Variants in MYBPC3 observed in about 807,000 individuals in gnomAD.
MYBPC3 encodes myosin-binding protein C, cardiac-type.
A neutral mutation model predicts 159.3 loss-of-function variants in MYBPC3; 108 were observed. The observed-to-expected ratio is 0.68, with a 90% CI of 0.58 to 0.80. The LOEUF (loss-of-function observed/expected upper bound fraction) is 0.80. MYBPC3 is among the 30% of genes least tolerant of loss of function. MYBPC3 has a pLI of 0.00. For missense variants in MYBPC3, 1,631 were observed against 1,762.1 expected (o/e 0.93, Z 1.33); for synonymous variants, 730 against 702.0 (o/e 1.04, Z -0.63).
At chr11:47,349,232 G>A (rs1028934178) in intron 5 of MYBPC3, among the ~76,000 whole-genome samples, 7 of 151,894 alleles carry the variant, frequency 4.6e-5, no homozygotes, top group South Asian at 2.1e-4. Context: ...TGGGCAGGGC[G>A]GAAAAAAACA....
At chr11:47,339,186 A>C in intron 22 of MYBPC3, 138 bp downstream of exon 22, 1 of 904,912 alleles carries the variant, frequency 1.1e-6, no homozygotes, top group African/African-American at 1.6e-5. Context: ...TGAGGGCCCC[A>C]CAGGGACCCT....
In MYBPC3 at chr11:47,339,336, C is replaced by A; in HGVS notation, c.2136G>T (p.Val712=). The A allele has an allele frequency of 6.2e-7, 1 of 1,614,062 alleles. No individual in the cohort carries two copies. The highest frequency in any genetic ancestry group is 1.1e-5 in the South Asian group (1 of 91,090). Residue 712 remains valine (V), a synonymous_variant, in exon 22 of 35, where the codon GTG becomes GTT. Coordinates refer to ENST00000545968, the MANE Select transcript of MYBPC3 (RefSeq NM_000256.3). ...PEDTGDSDEW[V]FDKKLLCETE... Reference sequence around the variant, plus strand: ...CAGTCTCACTCACCTTCTTGTCAAACACCCACTCATCGCTGTCACCTGTGT... The same window carrying A: ...CAGTCTCACTCACCTTCTTGTCAAAAACCCACTCATCGCTGTCACCTGTGT...
At chr11:47,340,613 G>A (rs1245783384) in intron 20 of MYBPC3, among the ~76,000 whole-genome samples, 1 of 152,188 alleles carries the variant, frequency 6.6e-6, no homozygotes, top group African/African-American at 2.4e-5. Flanking sequence ...CTTGCAGTGA[G>A]CCGAGATCGC....
At chr11:47,339,022 A>C (rs960682733) in intron 22 of MYBPC3, among the ~76,000 whole-genome samples, 2 of 152,186 alleles carry the variant, frequency 1.3e-5, no homozygotes, top group Non-Finnish European at 2.9e-5. Context: ...ACTACTCCTG[A>C]GTTGAGAGGG....
rs727503177 is a variant in MYBPC3, at chr11:47,333,923, T to C, written c.2993A>G (p.Gln998Arg). The C allele has an allele frequency of 1.3e-6, 2 of 1,570,688 alleles. No individual in the cohort carries two copies. The highest frequency in any genetic ancestry group is 1.7e-6 in the Non-Finnish European group (2 of 1,158,010). Residue 998 changes from glutamine to arginine, a missense_variant and splice_region_variant, in exon 28 of 35, where the codon CAG (glutamine) becomes CGG (arginine). Coordinates refer to ENST00000545968, the MANE Select transcript of MYBPC3 (RefSeq NM_000256.3). ...GACAGGGAAGGGGGCCAGTCCCACC[T>C]GGAAAGGGATGAGAAGGTTCACAGG... Reference protein sequence around the residue: ...GEPVNLLIPFQGKPRPQVTWT... With the variant: ...GEPVNLLIPFRGKPRPQVTWT...
At position 47,337,678 on chromosome 11, in the gene MYBPC3, C is replaced by G; in HGVS notation, c.2413+12G>C. 1 of 1,591,992 alleles carries G rather than the reference C, an allele frequency of 6.3e-7. No homozygotes were observed. Among genetic ancestry groups the G allele is most frequent in the Non-Finnish European group, 8.6e-7 (1 of 1,169,296 alleles). On this transcript the variant is annotated intron_variant, in intron 24 of 34. Coordinates refer to ENST00000545968, the MANE Select transcript of MYBPC3 (RefSeq NM_000256.3). ...GCGCCCTCACACCTCCATCCGGTGC[C>G]CTTGCACTCACCCAGGATGGGCTGC...
chr11:47,335,120 G>T lies in MYBPC3; in HGVS notation c.2827C>A (p.Arg943=). 6.2e-7 allele frequency: 1 copy of T among 1,612,394 alleles called. No individual in the cohort carries two copies. Among genetic ancestry groups the T allele is most frequent in the Non-Finnish European group, 8.5e-7 (1 of 1,179,142 alleles). The change falls in exon 27 of 35, where the codon CGA becomes AGA. Residue 943 remains arginine (R), a synonymous_variant. Transcript: ENST00000545968. ...CCTGCCATATTGTGTGCCCGCACTCGGAAAAGCAGCCGGGCCCCCGTGGGC... is the reference window on the plus strand; with the variant it reads ...CCTGCCATATTGTGTGCCCGCACTCTGAAAAGCAGCCGGGCCCCCGTGGGC... The part of the protein sequence containing the change: ...DLPTGARLLF[R]VRAHNMAGPG...
Position 47,332,397 on chromosome 11 carries a change from A to T in MYBPC3, c.3628-139T>A. 9.2e-6 allele frequency: 13 copies of T among 1,420,014 alleles called. No homozygotes were observed. The highest frequency in any genetic ancestry group is 4.3e-5 in the African/African-American group (3 of 70,500). The allele number at this position is 1,420,014 out of a possible 1,614,324, so 88.0% of individuals were successfully genotyped here. ...ACTATGCCCAAGGCTGGAAACAAACATGGAACCAAGAGTGAGTACCATGGC... is the reference window on the plus strand; with the variant it reads ...ACTATGCCCAAGGCTGGAAACAAACTTGGAACCAAGAGTGAGTACCATGGC... On this transcript the variant is annotated intron_variant, in intron 32 of 34. Coordinates refer to ENST00000545968, the MANE Select transcript of MYBPC3 (RefSeq NM_000256.3). The surrounding 1 kb of genome is among the most constrained non-coding windows in gnomAD (Gnocchi z 4.2).
rs1230490714 is a variant in MYBPC3, at chr11:47,346,894, G to A, written c.908+133C>T. 2.8e-6 allele frequency: 2 copies of A among 723,274 alleles called. No homozygotes were observed. Among genetic ancestry groups the A allele is most frequent in the African/African-American group, 1.7e-5 (1 of 57,706 alleles). The allele number at this position is 723,274 out of a possible 1,614,324, so 44.8% of individuals were successfully genotyped here. A position where few individuals can be genotyped will look rare whatever the true frequency, so the allele number is the denominator to read the frequency against. On this transcript the variant is annotated intron_variant, in intron 10 of 34. Coordinates refer to ENST00000545968, the MANE Select transcript of MYBPC3 (RefSeq NM_000256.3). This position sits in a 1 kb window ranked among gnomAD's most constrained non-coding sequence, Gnocchi z 5.3. ...TGGCAGGAGAAGCCCAAGGCACAGA[G>A]ACTCACCCCTGTCCGTGGGGAGCCG...
intron 20 of MYBPC3, 89 bp from the exon 21 acceptor site, chr11:47,339,879 C>T: frequency 2.1e-6 from 3 of 1,429,980 alleles, no homozygotes; most frequent in Non-Finnish European, 2.9e-6. Context: ...GCCTGGGCCC[C>T]TGGTTATTGG....
At position 47,350,501 on chromosome 11, in the gene MYBPC3, C is replaced by T. The variant is rs1223603416; in HGVS notation, c.406+1G>A. 5.8e-6 allele frequency: 9 copies of T among 1,557,658 alleles called. No homozygotes were observed. Among genetic ancestry groups the T allele is most frequent in the Non-Finnish European group, 7.8e-6 (9 of 1,154,022 alleles). ...GCCCCTCCCTGCCCAGCCCCTCTCACCTTTGGGACTTGGGGCACTTTCTCC... is the reference window on the plus strand; with the variant it reads ...GCCCCTCCCTGCCCAGCCCCTCTCATCTTTGGGACTTGGGGCACTTTCTCC... On this transcript the variant is annotated splice_donor_variant, in intron 3 of 34. Coordinates refer to ENST00000545968, the MANE Select transcript of MYBPC3 (RefSeq NM_000256.3). LOFTEE classifies it high-confidence loss of function.
intron 34 of MYBPC3, 54 bp downstream of exon 34, chr11:47,331,791 C>T: frequency 6.5e-7 from 1 of 1,544,244 alleles, no homozygotes; most frequent in South Asian, 1.2e-5. Context: ...GCCCCAGGAC[C>T]AAGGGCCAGG....
intron 9 of MYBPC3, 36 bp downstream of exon 9, chr11:47,347,390 C>T (rs775988125): frequency 1.3e-5 from 21 of 1,563,320 alleles, no homozygotes; most frequent in Admixed American, 9.6e-5. Flanking sequence ...AGCCAGGCCT[C>T]ACCAGCTGCC....
In MYBPC3 at chr11:47,351,469, A is replaced by G. The variant is rs1362750360; in HGVS notation, c.62T>C (p.Val21Ala). 2 of 1,595,006 alleles carry G rather than the reference A, an allele frequency of 1.3e-6. No homozygotes were observed. The highest frequency in any genetic ancestry group is 1.7e-6 in the Non-Finnish European group (2 of 1,166,694). Residue 21 changes from valine (V) to alanine (A), a missense_variant, in exon 2 of 35, where the codon GTG becomes GCG. Coordinates refer to ENST00000545968, the MANE Select transcript of MYBPC3 (RefSeq NM_000256.3). This position sits in a 1 kb window ranked among gnomAD's most constrained non-coding sequence, Gnocchi z 4.2. ...GAACACGGCAGGGCTGCCTGCGGCC[A>G]CTTCCACTGACCGTGGCTTCTTGCT... is the stretch of plus-strand genomic sequence containing the variant. ...AFSKKPRSVE[V>A]AAGSPAVFEA...
chr11:47,339,378 G>C lies in MYBPC3; in HGVS notation c.2094C>G (p.Ala698=). Residue 698 remains alanine (A), a synonymous_variant, in exon 22 of 35, where the codon GCC becomes GCG. Transcript: ENST00000545968. ...TQGNKAPARP[A]PDAPEDTGDS... ...CACCTGTGTCCTCTGGGGCATCTGG[G>C]GCTGGCCTGGCTGGGGCCTTATTCC... The C allele has an allele frequency of 1.9e-6, 3 of 1,614,042 alleles. No homozygotes were observed. Among genetic ancestry groups the C allele is most frequent in the Non-Finnish European group, 2.5e-6 (3 of 1,179,884 alleles).
At chr11:47,341,478 C>T (rs906638776) in intron 18 of MYBPC3, among the ~76,000 whole-genome samples, 23 of 152,372 alleles carry the variant, frequency 1.5e-4, no homozygotes, top group African/African-American at 5.5e-4. Flanking sequence ...TGGCTGGGCC[C>T]TTGGAGACTG....
At position 47,338,994 on chromosome 11, in the gene MYBPC3, C is replaced by A. The variant is rs2095885519; in HGVS notation, c.2149-315G>T. Among the ~76,000 whole-genome samples the A allele has an allele frequency of 6.6e-6, 1 of 152,208 alleles. No homozygotes were observed. The highest frequency in any genetic ancestry group is 2.1e-4 in the South Asian group (1 of 4,836). On this transcript the variant is annotated intron_variant, in intron 22 of 34. Transcript: ENST00000545968. The surrounding 1 kb of genome is among the most constrained non-coding windows in gnomAD (Gnocchi z 4.7). The stretch of plus-strand genomic sequence containing the variant: ...AGCAAGACCCCGGCAGCTACACTGG[C>A]AGAAAAGTGTCTCAGAAACTACTCC...
Position 47,331,856 on chromosome 11 carries a change from C to A in MYBPC3, c.*15G>T. ...CGGGTGGTACATACCTGGCCATCCC[C>A]AGGAGCCAGCCTGGTCACTGAGGCA... On this transcript the variant is annotated 3_prime_UTR_variant, in exon 34 of 35. Transcript: ENST00000545968. 6.2e-7 allele frequency: 1 copy of A among 1,608,474 alleles called. No individual in the cohort carries two copies.
chr11:47,333,812 C>T, intron 28 of MYBPC3, 60 bp from the exon 29 acceptor site: 1 of 1,550,000 alleles, frequency 6.5e-7, no homozygotes, highest in South Asian at 1.2e-5. Flanking sequence ...GCCGCCACCC[C>T]AGCCTCTGGT....
Sources: allele counts gnomAD v4.1 joint callset (sites outside exome capture counted in the v4.1 genomes callset), GRCh38; gene constraint gnomAD v4.1.1; non-coding constraint Gnocchi (gnomAD v3.1); transcripts MANE v1.5; gene names NCBI Gene and HGNC (gene_info 2026-07-23, HGNC 2026-07-21).